ACMSD: variants seen among roughly 807,000 people sequenced by gnomAD.
The protein encoded by ACMSD is aminocarboxymuconate semialdehyde decarboxylase.
A neutral mutation model predicts 45.9 loss-of-function variants in ACMSD; 37 were observed. That is an observed-to-expected ratio of 0.81 (90% CI 0.62 to 1.06). The LOEUF (loss-of-function observed/expected upper bound fraction) is 1.06. ACMSD is among the 50% of genes least tolerant of loss of function. The pLI, the probability that ACMSD is intolerant of heterozygous loss-of-function variation, is 0.00. For missense variants in ACMSD, 434 were observed against 420.9 expected, an observed-to-expected ratio of 1.03 and a Z score of -0.27; for synonymous variants, 138 against 148.8, an observed-to-expected ratio of 0.93 and a Z score of 0.53.
chr2:134,870,711 G>A (rs538994334), intron 6 of ACMSD, among the ~76,000 whole-genome samples: 2 of 152,268 alleles, frequency 1.3e-5, no homozygotes, highest in East Asian at 3.9e-4. Flanking sequence ...GAAGTCGGGG[G>A]AATTAGGGCA....
chr2:134,861,765 T>C (rs778335283), intron 3 of ACMSD, among the ~76,000 whole-genome samples: 3 of 150,318 alleles, frequency 2.0e-5, no homozygotes, highest in Non-Finnish European at 3.0e-5. Context: ...TTGAATGATC[T>C]CATTTGTGTC....
chr2:134,882,231 T>C (rs374311091), intron 8 of ACMSD, among the ~76,000 whole-genome samples: 5 of 152,368 alleles, frequency 3.3e-5, no homozygotes, highest in African/African-American at 1.2e-4. Context: ...GATATTTTCC[T>C]GTGTACTGGA....
chr2:134,858,262 A>C (rs1189043517), intron 2 of ACMSD, among the ~76,000 whole-genome samples: 1 of 152,186 alleles, frequency 6.6e-6, no homozygotes, highest in Non-Finnish European at 1.5e-5. Context: ...TATTATGTTA[A>C]GTGAAATAAG....
At chr2:134,856,908 T>C (rs1362807905) in intron 2 of ACMSD, among the ~76,000 whole-genome samples, 1 of 151,946 alleles carries the variant, frequency 6.6e-6, no homozygotes, top group Non-Finnish European at 1.5e-5. Flanking sequence ...ATGTATGGTT[T>C]TTTTTTCTAT....
At chr2:134,856,603 T>C (rs1021771560) in intron 2 of ACMSD, among the ~76,000 whole-genome samples, 3 of 152,264 alleles carry the variant, frequency 2.0e-5, no homozygotes, top group Admixed American at 6.5e-5. Context: ...TTTTTTCTTA[T>C]ACCTATTGGC....
intron 1 of ACMSD, among the ~76,000 whole-genome samples, chr2:134,843,947 G>T (rs988096717): frequency 2.0e-5 from 3 of 152,202 alleles, no homozygotes; most frequent in Admixed American, 6.5e-5. Flanking sequence ...CGTCTCACAC[G>T]CAATGATGTG....
At chr2:134,862,401 A>G (rs1239277543) in intron 4 of ACMSD, among the ~76,000 whole-genome samples, 1 of 152,138 alleles carries the variant, frequency 6.6e-6, no homozygotes, top group Non-Finnish European at 1.5e-5. Context: ...ATGACCTAAT[A>G]TATCACCTCT....
intron 2 of ACMSD, among the ~76,000 whole-genome samples, chr2:134,857,305 G>A (rs1687629939): frequency 1.3e-5 from 2 of 152,078 alleles, no homozygotes; most frequent in African/African-American, 4.8e-5. Context: ...GGGCGTGGTG[G>A]CGCATGTCTG....
intron 8 of ACMSD, chr2:134,873,675 T>C (rs1187521188): frequency 6.6e-6 from 1 of 152,216 alleles, no homozygotes; most frequent in Admixed American, 6.5e-5. Context: ...ATAACCAGAA[T>C]ATAAATATTA....
chr2:134,849,465 T>A lies in ACMSD; in HGVS notation c.102+4188T>A, dbSNP rs143158318. Among the ~76,000 whole-genome samples, 117 of 152,350 alleles carry A rather than the reference T, an allele frequency of 7.7e-4. 1 individual carries two copies. The highest frequency in any genetic ancestry group is 2.7e-3 in the African/African-American group (114 of 41,582). On this transcript the variant is annotated intron_variant, in intron 2 of 9. Coordinates refer to ENST00000356140, the MANE Select transcript of ACMSD (RefSeq NM_138326.3). Reference sequence around the variant, plus strand: ...AACAACATGCAAATGTATACAATTATGCAAAATAGGCTGGGAGCAATGAGA... The same window carrying A: ...AACAACATGCAAATGTATACAATTAAGCAAAATAGGCTGGGAGCAATGAGA...
chr2:134,854,821 C>G (rs541091627), intron 2 of ACMSD, among the ~76,000 whole-genome samples: 19 of 142,068 alleles, frequency 1.3e-4, no homozygotes, highest in Admixed American at 2.9e-4. Context: ...ATTTTACAGA[C>G]AGAAAAAGTG....
chr2:134,888,274 T>C (rs1689571238), intron 8 of ACMSD, among the ~76,000 whole-genome samples: 1 of 152,168 alleles, frequency 6.6e-6, no homozygotes, highest in South Asian at 2.1e-4. Flanking sequence ...TTAAAGGTGC[T>C]CAACATCATT....
intron 9 of ACMSD, 54 bp downstream of exon 9, chr2:134,898,493 GGTTT>G (rs1690312156): frequency 1.5e-6 from 2 of 1,353,960 alleles, no homozygotes; most frequent in African/African-American, 3.0e-5. Flanking sequence ...GCTCTAATTG[GGTTT>G]GGTTTCAGAG....
chr2:134,865,080 A>G (rs190081944), intron 5 of ACMSD, among the ~76,000 whole-genome samples: 9 of 152,370 alleles, frequency 5.9e-5, no homozygotes, highest in African/African-American at 2.2e-4. Context: ...AGGCACTGTG[A>G]CTACTGATCA....
chr2:134,889,131 G>A (rs574572827), intron 8 of ACMSD, among the ~76,000 whole-genome samples: 2 of 152,312 alleles, frequency 1.3e-5, no homozygotes, highest in South Asian at 4.1e-4. Context: ...GAGTAAAATG[G>A]CAGGTGTCTC....
chr2:134,893,196 T>C (rs6714498), intron 8 of ACMSD, among the ~76,000 whole-genome samples: 69,651 of 150,684 alleles, frequency 0.46, 16,692 homozygotes, highest in Middle Eastern at 0.81. Flanking sequence ...TTTCTTCCAA[T>C]ATATCACACT....
At chr2:134,858,892 A>G (rs1687714079) in intron 2 of ACMSD, among the ~76,000 whole-genome samples, 1 of 150,052 alleles carries the variant, frequency 6.7e-6, no homozygotes, top group African/African-American at 2.5e-5. Context: ...GGTTCTTTTC[A>G]ATTCTAAATG....
intron 2 of ACMSD, among the ~76,000 whole-genome samples, chr2:134,858,960 G>A (rs1179867677): frequency 6.8e-6 from 1 of 146,666 alleles, no homozygotes; most frequent in African/African-American, 2.5e-5. Flanking sequence ...GTAGCCAGGG[G>A]TTCAGATCAG....
At chr2:134,875,375 T>G (rs1688681935) in intron 8 of ACMSD, among the ~76,000 whole-genome samples, 1 of 152,244 alleles carries the variant, frequency 6.6e-6, no homozygotes, top group African/African-American at 2.4e-5. Context: ...AACTTTACTT[T>G]GATAAATATA....
Sources: allele counts gnomAD v4.1 joint callset (sites outside exome capture counted in the v4.1 genomes callset), GRCh38; gene constraint gnomAD v4.1.1; transcripts MANE v1.5; gene names NCBI Gene and HGNC (gene_info 2026-07-23, HGNC 2026-07-21).